The following SLC6A9 variants were observed in gnomAD, a reference collection of about 807,000 sequenced individuals.
SLC6A9 encodes the protein sodium- and chloride-dependent glycine transporter 1.
SLC6A9 carries 31 observed loss-of-function variants against 70.9 expected under a neutral mutation model. The observed-to-expected ratio is 0.44, with a 90% confidence interval of 0.33 to 0.59. The LOEUF (loss-of-function observed/expected upper bound fraction) is 0.59. Among genes scored for constraint, SLC6A9 ranks in the 20% least tolerant of loss-of-function variants. The pLI is 0.04. For missense variants in SLC6A9, 631 were observed against 845.2 expected (o/e 0.75, Z 3.14); for synonymous variants, 310 against 341.3 (o/e 0.91, Z 1.01).
chr1:43,998,094 C>T, intron 12 of SLC6A9, 69 bp from the exon 13 acceptor site: 1 of 1,405,270 alleles, frequency 7.1e-7, no homozygotes, highest in East Asian at 2.4e-5. Flanking sequence ...CATCCCTCTA[C>T]CAGCACCCTT....
chr1:44,006,200 G>T (rs945480997), intron 5 of SLC6A9, among the ~76,000 whole-genome samples: 2 of 152,040 alleles, frequency 1.3e-5, no homozygotes, highest in Non-Finnish European at 2.9e-5. Flanking sequence ...AGCAATATCT[G>T]CTCGTTCTCC....
chr1:44,030,559 T>C (rs1426367850), intron 1 of SLC6A9: 1 of 152,202 alleles, frequency 6.6e-6, no homozygotes, highest in Non-Finnish European at 1.5e-5. Context: ...GGTGTGCCGG[T>C]AATGAGGGTT....
chr1:44,016,017 C>T (rs1000725794), intron 2 of SLC6A9, among the ~76,000 whole-genome samples: 1 of 152,234 alleles, frequency 6.6e-6, no homozygotes, highest in African/African-American at 2.4e-5. Flanking sequence ...ACGCCTTGTG[C>T]TTATCCATTG....
chr1:44,001,576 GC>G lies in SLC6A9; in HGVS notation c.1013del (p.Gly338AlafsTer90). Reference protein sequence around the residue: ...ITNCATSVYAGFVIFSILGFM... With the variant: ...ITNCATSVYAXFVIFSILGFM... The stretch of plus-strand genomic sequence containing the variant: ...AGCCGAGGATGGAGAAGATGACGAA[GC>G]CAGCATAGACGCTGGTGGCACAGTT... On this transcript the variant is annotated frameshift_variant, in exon 9 of 14. Transcript: ENST00000372310. LOFTEE classifies it high-confidence loss of function. The G allele has an allele frequency of 6.2e-7, 1 of 1,614,260 alleles. No homozygotes were observed. The highest frequency in any genetic ancestry group is 8.5e-7 in the Non-Finnish European group (1 of 1,180,046).
chr1:44,015,896 T>C, intron 2 of SLC6A9: 1 of 985,262 alleles, frequency 1.0e-6, no homozygotes, highest in Non-Finnish European at 1.2e-6. Flanking sequence ...CCAGTGGCCA[T>C]TCATGCCTCC....
intron 1 of SLC6A9, among the ~76,000 whole-genome samples, chr1:44,027,023 G>T (rs905252452): frequency 6.6e-6 from 1 of 152,166 alleles, no homozygotes; most frequent in Non-Finnish European, 1.5e-5. Flanking sequence ...AAGCTTTGCT[G>T]CTTCTCCTGC....
rs753011058 is a variant in SLC6A9 at position 44,017,170 on chromosome 1, T to C, written c.31-6288A>G. 3 of 1,599,610 alleles carry C rather than the reference T, an allele frequency of 1.9e-6. No individual in the cohort carries two copies. The South Asian group carries it at 3.4e-5, about 18-fold the overall frequency. ...CCAGCTCCAGCGCGACACTGACGCA[T>C]CCCCTGCCTCTCCCACTGCCGGGCT... On this transcript the variant is annotated intron_variant, in intron 2 of 13. Transcript: ENST00000372310.
Position 44,018,314 on chromosome 1 carries a change from C to G in SLC6A9, c.30+5934G>C, listed in dbSNP as rs1197850116. ...GACATTAAAAATTTAAAAACAGGGC[C>G]AGGTACGGTGGCTCACGCCTGTAAT... On this transcript the variant is annotated intron_variant, in intron 2 of 13. Coordinates refer to ENST00000372310, the MANE Select transcript of SLC6A9 (RefSeq NM_001024845.3). The surrounding 1 kb of genome is among the most constrained non-coding windows in gnomAD (Gnocchi z 4.2). 6.6e-6 allele frequency among the ~76,000 whole-genome samples: 1 copy of G among 152,126 alleles called. No individual in the cohort carries two copies. Among genetic ancestry groups the G allele is most frequent in the Admixed American group, 6.5e-5 (1 of 15,282 alleles).
intron 12 of SLC6A9, among the ~76,000 whole-genome samples, chr1:43,999,885 C>G (rs1000080661): frequency 4.6e-5 from 7 of 152,192 alleles, no homozygotes; most frequent in African/African-American, 7.2e-5. Context: ...GACCATTACA[C>G]TGTCAATACC....
rs550860020 is a variant in SLC6A9 at position 44,002,436 on chromosome 1, G to A, written c.859-20C>T. ...CCACACCTGCAGGGAAGGACCGGTG[G>A]GTGAGGAGCTGTGGGCAGAGGCAGG... On this transcript the variant is annotated intron_variant, in intron 7 of 13. Transcript: ENST00000372310. This position sits in a 1 kb window ranked among gnomAD's most constrained non-coding sequence, Gnocchi z 5.5. The A allele has an allele frequency of 1.2e-6, 2 of 1,613,266 alleles. No homozygotes were observed. Among genetic ancestry groups the A allele is most frequent in the Admixed American group, 1.7e-5 (1 of 60,014 alleles).
At chr1:44,011,104 C>G (rs2086550321) in intron 2 of SLC6A9, among the ~76,000 whole-genome samples, 2 of 152,218 alleles carry the variant, frequency 1.3e-5, no homozygotes, top group African/African-American at 4.8e-5. Flanking sequence ...CCCACAGCAC[C>G]CAGTGCCAGG....
chr1:43,997,231 T>C lies in SLC6A9; in HGVS notation c.*314A>G. 2.7e-6 allele frequency: 1 copy of C among 374,392 alleles called. No individual in the cohort carries two copies. The highest frequency in any genetic ancestry group is 4.9e-6 in the Non-Finnish European group (1 of 203,734). The allele number at this position is 374,392 out of a possible 1,614,324, so 23.2% of individuals were successfully genotyped here. On this transcript the variant is annotated 3_prime_UTR_variant, in exon 14 of 14. Transcript: ENST00000372310. The surrounding 1 kb of genome is among the most constrained non-coding windows in gnomAD (Gnocchi z 4.4). ...CAGAACCTCAGCTCAGGGCAGGGTATAAGGGTATCGGAGGCCACGTAAAGC... is the reference window on the plus strand; with the variant it reads ...CAGAACCTCAGCTCAGGGCAGGGTACAAGGGTATCGGAGGCCACGTAAAGC...
chr1:44,010,143 C>T, intron 3 of SLC6A9, 47 bp from the exon 4 acceptor site: 1 of 1,608,262 alleles, frequency 6.2e-7, no homozygotes, highest in Non-Finnish European at 8.5e-7. Context: ...TTGGAGGGAT[C>T]TCACCCTGGG....
intron 5 of SLC6A9, among the ~76,000 whole-genome samples, chr1:44,004,060 T>A (rs2086224523): frequency 6.6e-6 from 1 of 152,006 alleles, no homozygotes. Flanking sequence ...ATTCGTGCGA[T>A]CTGGGCTCAC....
At chr1:44,021,231 TG>T (rs1448072662) in intron 2 of SLC6A9, among the ~76,000 whole-genome samples, 1 of 151,274 alleles carries the variant, frequency 6.6e-6, no homozygotes, top group African/African-American at 2.4e-5. Context: ...CACCCCCTAG[TG>T]CCCCCAAGCA....
At chr1:44,000,676 GGAGCTCCC>G (rs2086057394) in intron 12 of SLC6A9, 83 bp downstream of exon 12, 1 of 831,428 alleles carries the variant, frequency 1.2e-6, no homozygotes, top group East Asian at 2.5e-5. Flanking sequence ...GCCAGGTGCG[GGAGCTCCC>G]ACTGTCCCTC....
chr1:44,003,030 C>G (rs1482793624), intron 5 of SLC6A9, 45 bp from the exon 6 acceptor site: 2 of 1,610,848 alleles, frequency 1.2e-6, no homozygotes, highest in East Asian at 4.5e-5. Context: ...CGCCGCTGCC[C>G]AGCAACAAAT....
At chr1:44,011,458 G>T in intron 2 of SLC6A9, 1 of 956,392 alleles carries the variant, frequency 1.0e-6, no homozygotes. Flanking sequence ...GGGAGCAGCT[G>T]AGCCGGGACA....
rs201449252 is a variant in SLC6A9 at position 44,010,811 on chromosome 1, G to A, written c.102C>T (p.Ile34=). ...AGCCCACGCTCGTCAGTACAAACTC[G>A]ATCTGGTTGCCCCAGTTGCCCCGTT... is the stretch of plus-strand genomic sequence containing the variant. ...NLKRGNWGNQ[I]EFVLTSVGYA... Residue 34 remains isoleucine, a synonymous_variant, in exon 3 of 14, where the codon ATC becomes ATT. Coordinates refer to ENST00000372310, the MANE Select transcript of SLC6A9 (RefSeq NM_001024845.3). The A allele has an allele frequency of 3.7e-6, 6 of 1,614,206 alleles. No homozygotes were observed. The highest frequency in any genetic ancestry group is 4.5e-5 in the East Asian group (2 of 44,880).
Sources: allele counts gnomAD v4.1 joint callset (sites outside exome capture counted in the v4.1 genomes callset), GRCh38; gene constraint gnomAD v4.1.1; non-coding constraint Gnocchi (gnomAD v3.1); transcripts MANE v1.5; gene names NCBI Gene and HGNC (gene_info 2026-07-23, HGNC 2026-07-21).